Variants in PRSS57 observed in about 807,000 individuals in gnomAD.
The protein encoded by PRSS57 is serine protease 57, also known as neutrophil serine protease 4.
Under a neutral mutation model 20.6 loss-of-function variants are expected in PRSS57, and 19 were observed. That is an observed-to-expected ratio of 0.92 (90% confidence interval 0.64 to 1.35). PRSS57 has a LOEUF of 1.35. Ranked by LOEUF, PRSS57 falls within the 40% of genes most tolerant of loss-of-function variation. PRSS57 has a pLI of 0.00. For synonymous variants in PRSS57, 203 were observed against 176.6 expected, an observed-to-expected ratio of 1.15 and a Z score of -1.19; for missense variants, 440 against 403.7, an observed-to-expected ratio of 1.09 and a Z score of -0.77.
intron 1 of PRSS57, 42 bp downstream of exon 1, chr19:695,310 A>G (rs555347797): frequency 4.2e-5 from 42 of 1,009,088 alleles, no homozygotes; most frequent in Non-Finnish European, 5.1e-5. Context: ...CCGTACGGGG[A>G]CTTGGCGGGG....
At chr19:694,083 C>A (rs1816512199) in intron 2 of PRSS57, among the ~76,000 whole-genome samples, 1 of 150,032 alleles carries the variant, frequency 6.7e-6, no homozygotes, top group African/African-American at 2.4e-5. Context: ...ACCATGTTGG[C>A]CAGGCTGGTC....
In PRSS57 at chr19:691,910, G is replaced by T. The variant is rs745551393; in HGVS notation, c.326C>A (p.Thr109Lys). The change falls in exon 3 of 5, where the codon ACA becomes AAA. Residue 109 changes from threonine to lysine, a missense_variant. Physicochemically the swap from Thr to Lys is moderately conservative, Grantham distance 78. Coordinates refer to ENST00000329267, the MANE Select transcript of PRSS57 (RefSeq NM_001308209.2). ...QQVFGIDALT[T>K]HPDYHPMTHA... The stretch of plus-strand genomic sequence containing the variant: ...GGTCATGGGGTGGTAGTCGGGGTGT[G>T]TGGTGAGAGCATCGATGCCAAACAC... 1 of 1,337,672 alleles carries T rather than the reference G, an allele frequency of 7.5e-7. No individual in the cohort carries two copies. Among genetic ancestry groups the T allele is most frequent in the South Asian group, 2.6e-5 (1 of 39,212 alleles). 82.9% of individuals were successfully genotyped at this position (1,337,672 alleles called of 1,614,324 possible). A position where few individuals can be genotyped will look rare whatever the true frequency, so the allele number is the denominator to read the frequency against.
At chr19:693,983 T>C (rs1479203603) in intron 2 of PRSS57, among the ~76,000 whole-genome samples, 1 of 151,920 alleles carries the variant, frequency 6.6e-6, no homozygotes, top group African/African-American at 2.4e-5. Context: ...CTCGTGATCC[T>C]CCTGCCTCGG....
chr19:686,369 C>A (rs2031474365), intron 4 of PRSS57, among the ~76,000 whole-genome samples: 2 of 151,952 alleles, frequency 1.3e-5, no homozygotes, highest in Admixed American at 6.6e-5. Flanking sequence ...ATCCCTCATC[C>A]TACCCTCCTG....
chr19:686,765 C>T (rs1000485693), intron 4 of PRSS57, among the ~76,000 whole-genome samples, 160 bp downstream of exon 4: 1 of 152,186 alleles, frequency 6.6e-6, no homozygotes, highest in Admixed American at 6.5e-5. Flanking sequence ...GGCAGCCCTG[C>T]ATGACCCTTG....
chr19:695,414 C>T lies in PRSS57; in HGVS notation c.17G>A (p.Arg6Lys), dbSNP rs764522704. The change falls in exon 1 of 5, where the codon AGG (arginine) becomes AAG (lysine). Residue 6 changes from arginine (R) to lysine (K), a missense_variant. Physicochemically the swap from Arg to Lys is conservative, Grantham distance 26. Coordinates refer to ENST00000329267, the MANE Select transcript of PRSS57 (RefSeq NM_001308209.2). ...AGTCAGCAGAGGACGTCCCCAGCCCCTCAACCCGAGCCCCATGGCAGACGC... is the reference window on the plus strand; with the variant it reads ...AGTCAGCAGAGGACGTCCCCAGCCCTTCAACCCGAGCCCCATGGCAGACGC... MGLGL[R>K]GWGRPLLTVA... is the part of the protein sequence containing the mutation. 1 of 1,271,068 alleles carries T rather than the reference C, an allele frequency of 7.9e-7. No homozygotes were observed. The highest frequency in any genetic ancestry group is 1.0e-6 in the Non-Finnish European group (1 of 1,002,226). The allele number at this position is 1,271,068 out of a possible 1,614,324, so 78.7% of individuals were successfully genotyped here.
intron 3 of PRSS57, among the ~76,000 whole-genome samples, chr19:687,784 C>G (rs192358744): frequency 1.2e-3 from 187 of 152,230 alleles, no homozygotes; most frequent in Non-Finnish European, 2.2e-3. Context: ...GACAAAACCT[C>G]TTTGCTCACC....
At chr19:689,913 T>C (rs1488570088) in intron 3 of PRSS57, among the ~76,000 whole-genome samples, 4 of 147,608 alleles carry the variant, frequency 2.7e-5, no homozygotes, top group East Asian at 2.0e-4. Flanking sequence ...ATTAGCCAGG[T>C]GTGGTGGTGG....
intron 2 of PRSS57, among the ~76,000 whole-genome samples, chr19:692,483 C>T (rs1304153806): frequency 1.7e-4 from 23 of 137,802 alleles, no homozygotes; most frequent in African/African-American, 5.8e-4. Context: ...AGAGTGCAAT[C>T]GAGGCTTACT....
intron 1 of PRSS57, 36 bp downstream of exon 1, chr19:695,316 C>T (rs967686640): frequency 1.9e-4 from 201 of 1,082,562 alleles, no homozygotes; most frequent in Non-Finnish European, 2.3e-4. Context: ...GGGGACTTGG[C>T]GGGGGCCTGG....
rs764280001 is a variant in PRSS57 at position 695,345 on chromosome 19, T to C, written c.79+7A>G. 12 of 1,257,958 alleles carry C rather than the reference T, an allele frequency of 9.5e-6. No individual in the cohort carries two copies. Among genetic ancestry groups the C allele is most frequent in the Non-Finnish European group, 1.2e-5 (12 of 995,678 alleles). The allele number at this position is 1,257,958 out of a possible 1,614,324, so 77.9% of individuals were successfully genotyped here. On this transcript the variant is annotated splice_region_variant and intron_variant, in intron 1 of 4. Coordinates refer to ENST00000329267, the MANE Select transcript of PRSS57 (RefSeq NM_001308209.2). ...GGCCTGGGTGGGGATCCCGGGGGGC[T>C]CCTCACCGGGGGGCTTCACGGGCAG...
At chr19:685,968 C>T in intron 4 of PRSS57, 46 bp from the exon 5 acceptor site, 2 of 1,476,456 alleles carry the variant, frequency 1.4e-6, no homozygotes, top group Non-Finnish European at 1.8e-6. Flanking sequence ...GGAGCTGCTG[C>T]AGGCACATCT....
intron 3 of PRSS57, chr19:690,205 G>C (rs1283251770): frequency 1.3e-5 from 2 of 152,438 alleles, no homozygotes; most frequent in African/African-American, 4.8e-5. Flanking sequence ...CAGCTACTCG[G>C]GGGGCTGAGG....
chr19:688,024 G>C (rs1243326974), intron 3 of PRSS57, among the ~76,000 whole-genome samples: 1 of 152,214 alleles, frequency 6.6e-6, no homozygotes, highest in East Asian at 1.9e-4. Context: ...GCCTGTTGAG[G>C]CCGGTTTACC....
At chr19:694,187 C>T (rs954041318) in intron 2 of PRSS57, among the ~76,000 whole-genome samples, 1 of 152,088 alleles carries the variant, frequency 6.6e-6, no homozygotes, top group Admixed American at 6.6e-5. Context: ...CCAGGACCAA[C>T]CTATCCCGTG....
At chr19:689,367 C>T (rs1405905210) in intron 3 of PRSS57, among the ~76,000 whole-genome samples, 2 of 151,830 alleles carry the variant, frequency 1.3e-5, no homozygotes, top group African/African-American at 4.8e-5. Flanking sequence ...TGAGCAAAGA[C>T]TTGACAGGCG....
intron 2 of PRSS57, 81 bp from the exon 3 acceptor site, chr19:692,083 G>A: frequency 8.2e-7 from 1 of 1,216,978 alleles, no homozygotes; most frequent in South Asian, 3.9e-5. Context: ...TGAAACGGAG[G>A]CCCAGGCCGG....
intron 2 of PRSS57, 125 bp downstream of exon 2, chr19:694,689 C>A (rs909587225): frequency 2.7e-6 from 3 of 1,121,170 alleles, no homozygotes; most frequent in Admixed American, 5.8e-5. Context: ...CCCTTTAAAT[C>A]CAGCCCCTGC....
At chr19:691,805 CGA>C in intron 3 of PRSS57, 51 bp downstream of exon 3, 2 of 1,308,476 alleles carry the variant, frequency 1.5e-6, no homozygotes, top group Middle Eastern at 2.0e-4. Flanking sequence ...AGCGACAGAG[CGA>C]GAGACTGTCT....
Sources: allele counts gnomAD v4.1 joint callset (sites outside exome capture counted in the v4.1 genomes callset), GRCh38; gene constraint gnomAD v4.1.1; transcripts MANE v1.5; gene names NCBI Gene and HGNC (gene_info 2026-07-23, HGNC 2026-07-21).